PKP1: variants seen among roughly 807,000 people sequenced by gnomAD.
PKP1 encodes the protein plakophilin 1.
Under a neutral mutation model 76.4 loss-of-function variants are expected in PKP1, and 27 were observed. The ratio of observed to expected loss-of-function variants is 0.35; its 90% confidence interval spans 0.26 to 0.49. PKP1 has a LOEUF of 0.49. PKP1 is among the 20% of genes least tolerant of loss of function. PKP1 has a pLI of 0.99. For missense variants in PKP1, 964 were observed against 955.2 expected (o/e 1.01, Z -0.12); for synonymous variants, 404 against 384.2 (o/e 1.05, Z -0.60).
At chr1:201,315,260 G>A (rs1656689720) in intron 3 of PKP1, among the ~76,000 whole-genome samples, 1 of 152,228 alleles carries the variant, frequency 6.6e-6, no homozygotes, top group Admixed American at 6.5e-5. Context: ...ACTGATGAAT[G>A]CAGGGTGACA....
chr1:201,308,732 G>T (rs558586996), intron 2 of PKP1, among the ~76,000 whole-genome samples: 7 of 152,058 alleles, frequency 4.6e-5, no homozygotes, highest in Non-Finnish European at 1.0e-4. Context: ...GACAGGCAGG[G>T]TGGGGCTGGG....
intron 12 of PKP1, 134 bp downstream of exon 12, chr1:201,325,972 G>A (rs1571565096): frequency 1.4e-6 from 1 of 696,344 alleles, no homozygotes; most frequent in Non-Finnish European, 2.6e-6. Flanking sequence ...GACAAAGACA[G>A]CGTCTACGTG....
rs1302178583 is a variant in PKP1, at chr1:201,330,758, G to A, written c.*717G>A. The A allele has an allele frequency of 6.6e-6, 1 of 152,294 alleles. No homozygotes were observed. The highest frequency in any genetic ancestry group is 1.5e-5 in the Non-Finnish European group (1 of 68,104). The allele number at this position is 152,294 out of a possible 1,614,324, so 9.4% of individuals were successfully genotyped here. On this transcript the variant is annotated 3_prime_UTR_variant, in exon 14 of 14. Transcript: ENST00000367324. ...CTCCAGCAGCGCCACAAGGACTGAG[G>A]TTGGGTAGGTGTGGGGTTCCAGAGG...
At chr1:201,306,394 G>A (rs758714616) in intron 2 of PKP1, among the ~76,000 whole-genome samples, 1 of 152,222 alleles carries the variant, frequency 6.6e-6, no homozygotes, top group African/African-American at 2.4e-5. Flanking sequence ...TTGCAGGCAG[G>A]CTTAGAGCCT....
chr1:201,331,063 T>A lies in PKP1; in HGVS notation c.*1022T>A, dbSNP rs1657307488. On this transcript the variant is annotated 3_prime_UTR_variant, in exon 14 of 14. Coordinates refer to ENST00000367324, the MANE Select transcript of PKP1 (RefSeq NM_001005337.3). ...CAGTGGAGAGGGGAACAAGTGGGGC[T>A]GGGCATATACCTATTCCGGCTTCTA... The A allele has an allele frequency of 6.6e-6, 1 of 152,248 alleles. No individual in the cohort carries two copies. The highest frequency in any genetic ancestry group is 1.5e-5 in the Non-Finnish European group (1 of 68,052). The allele number at this position is 152,248 out of a possible 1,614,324, so 9.4% of individuals were successfully genotyped here.
At position 201,313,330 on chromosome 1, in the gene PKP1, C is replaced by T. The variant is rs781565843; in HGVS notation, c.471C>T (p.Pro157=). 6 of 1,591,662 alleles carry T rather than the reference C, an allele frequency of 3.8e-6. No homozygotes were observed. The highest frequency in any genetic ancestry group is 1.8e-5 in the Admixed American group (1 of 56,540). Residue 157 remains proline (P), a synonymous_variant, in exon 3 of 14, where the codon CCC becomes CCT. Transcript: ENST00000367324. ...AAATCAAGGCGAGCCGCAGTGAGCC[C>T]GACCTCTACTGTGACCCACGGGGCA... ...MQKIKASRSE[P]DLYCDPRGTL...
At chr1:201,301,972 G>C (rs1456662232) in intron 2 of PKP1, among the ~76,000 whole-genome samples, 1 of 152,196 alleles carries the variant, frequency 6.6e-6, no homozygotes, top group East Asian at 1.9e-4. Flanking sequence ...CTTCAGTTCT[G>C]AGTCTTGGAC....
intron 10 of PKP1, 66 bp from the exon 11 acceptor site, chr1:201,324,875 G>A: frequency 6.8e-7 from 1 of 1,481,474 alleles, no homozygotes; most frequent in Non-Finnish European, 9.3e-7. Context: ...TGGCCCCAGA[G>A]GGAACCCCTC....
chr1:201,295,522 A>G (rs1481332792), intron 2 of PKP1, among the ~76,000 whole-genome samples: 1 of 152,246 alleles, frequency 6.6e-6, no homozygotes, highest in African/African-American at 2.4e-5. Context: ...AATGCAGCAT[A>G]AAGGGATTAG....
intron 2 of PKP1, among the ~76,000 whole-genome samples, chr1:201,295,086 G>C (rs1299305178): frequency 6.6e-6 from 1 of 152,256 alleles, no homozygotes; most frequent in Middle Eastern, 3.4e-3. Flanking sequence ...GGAATCTGGG[G>C]TTCTGTCTTG....
intron 2 of PKP1, among the ~76,000 whole-genome samples, chr1:201,302,277 T>C (rs1481777759): frequency 6.6e-6 from 1 of 152,124 alleles, no homozygotes; most frequent in Non-Finnish European, 1.5e-5. Flanking sequence ...GGGGCTTGCC[T>C]GTGACCTCAC....
At chr1:201,307,027 A>T (rs1656391445) in intron 2 of PKP1, among the ~76,000 whole-genome samples, 1 of 152,146 alleles carries the variant, frequency 6.6e-6, no homozygotes, top group African/African-American at 2.4e-5. Context: ...ACTGGGCATC[A>T]AGGTGTTTAT....
chr1:201,315,631 G>C (rs1338217919), intron 3 of PKP1, among the ~76,000 whole-genome samples: 1 of 152,210 alleles, frequency 6.6e-6, no homozygotes, highest in Admixed American at 6.5e-5. Flanking sequence ...CCTGGATAGG[G>C]GCTGGGGAAT....
chr1:201,299,363 A>T (rs544163067), intron 2 of PKP1, among the ~76,000 whole-genome samples: 1 of 152,342 alleles, frequency 6.6e-6, no homozygotes, highest in African/African-American at 2.4e-5. Context: ...TGGATGTGAC[A>T]TACCAGATCA....
chr1:201,289,280 A>ACCAGTTCGG (rs1655829972), intron 1 of PKP1, among the ~76,000 whole-genome samples: 1 of 152,218 alleles, frequency 6.6e-6, no homozygotes, highest in African/African-American at 2.4e-5. Context: ...TCTGGGCACC[A>ACCAGTTCGG]TGGGTGAAAG....
chr1:201,302,562 A>G (rs1017516002), intron 2 of PKP1, among the ~76,000 whole-genome samples: 7 of 152,210 alleles, frequency 4.6e-5, no homozygotes, highest in Non-Finnish European at 8.8e-5. Flanking sequence ...CGGGTGGAAG[A>G]GCCGTCCCCA....
chr1:201,299,271 A>AG (rs561721389), intron 2 of PKP1, among the ~76,000 whole-genome samples: 21 of 152,326 alleles, frequency 1.4e-4, no homozygotes, highest in Non-Finnish European at 2.9e-4. Context: ...ACTCTAGTCA[A>AG]GTTCTTAATC....
chr1:201,319,986 A>C, intron 6 of PKP1: 1 of 1,224,126 alleles, frequency 8.2e-7, no homozygotes, highest in Non-Finnish European at 1.2e-6. Context: ...TGCAAATGAG[A>C]CCTCATTTCA....
At chr1:201,316,758 G>A in intron 4 of PKP1, 61 bp downstream of exon 4, 2 of 1,593,124 alleles carry the variant, frequency 1.3e-6, no homozygotes, top group South Asian at 1.1e-5. Context: ...GTGTCAGCCT[G>A]ACTCCGCTTT....
Sources: allele counts gnomAD v4.1 joint callset (sites outside exome capture counted in the v4.1 genomes callset), GRCh38; gene constraint gnomAD v4.1.1; transcripts MANE v1.5; gene names NCBI Gene and HGNC (gene_info 2026-07-23, HGNC 2026-07-21).